The following ABCG4 variants were observed in gnomAD, a reference collection of about 807,000 sequenced individuals.
The protein encoded by ABCG4 is ATP-binding cassette sub-family G member 4.
In ABCG4, 35 loss-of-function variants were observed where a neutral mutation model predicts 64.6. That is an observed-to-expected ratio of 0.54 (90% CI 0.41 to 0.72). The LOEUF (loss-of-function observed/expected upper bound fraction) is 0.72. Ranked by LOEUF, ABCG4 falls within the 30% of genes least tolerant of loss-of-function variation. The probability of loss-of-function intolerance (pLI) is 0.00; values close to 1 mark genes in which losing one functional copy is unlikely to be tolerated. For missense variants in ABCG4, 610 were observed against 846.3 expected, an observed-to-expected ratio of 0.72 and a Z score of 3.46; for synonymous variants, 326 against 348.2, an observed-to-expected ratio of 0.94 and a Z score of 0.71.
chr11:119,151,099 T>C (rs1948188718), intron 2 of ABCG4, among the ~76,000 whole-genome samples: 2 of 152,244 alleles, frequency 1.3e-5, no homozygotes, highest in Admixed American at 1.3e-4. Flanking sequence ...GTCACATGGC[T>C]GAACCAATGG....
chr11:119,153,870 T>C, intron 2 of ABCG4, 156 bp from the exon 3 acceptor site: 1 of 676,208 alleles, frequency 1.5e-6, no homozygotes, highest in Non-Finnish European at 2.6e-6. Flanking sequence ...AGGGATGGGT[T>C]CCTGCCGGGG....
chr11:119,158,435 C>T lies in ABCG4; in HGVS notation c.1167+103C>T. ...GGAATGGGGACCCTCCCTCACAGCC[C>T]TGCAATGTGCCTGTGGGGTCTCTGT... is the stretch of plus-strand genomic sequence containing the variant. On this transcript the variant is annotated intron_variant, in intron 10 of 14. Transcript: ENST00000619701. The surrounding 1 kb of genome is among the most constrained non-coding windows in gnomAD (Gnocchi z 4.5). The T allele has an allele frequency of 2.6e-6, 4 of 1,551,256 alleles. No homozygotes were observed. In the South Asian group the frequency reaches 4.5e-5, roughly 17 times the overall value.
intron 2 of ABCG4, among the ~76,000 whole-genome samples, chr11:119,151,977 G>A (rs905515080): frequency 3.9e-5 from 6 of 152,290 alleles, no homozygotes; most frequent in East Asian, 1.9e-4. Context: ...CAGCTGAGAC[G>A]GTATCTGTGA....
In ABCG4 at chr11:119,161,494, G is replaced by C. The variant is rs906101801; in HGVS notation, c.*388G>C. On this transcript the variant is annotated 3_prime_UTR_variant, in exon 15 of 15. Transcript: ENST00000619701. ...AACTGACCAAAGTGGCCCCCTCTGGGGGTCCCCACCACACAAGTGTTTGTA... is the reference window on the plus strand; with the variant it reads ...AACTGACCAAAGTGGCCCCCTCTGGCGGTCCCCACCACACAAGTGTTTGTA... The C allele has an allele frequency of 5.7e-6, 1 of 176,990 alleles. No individual in the cohort carries two copies. The highest frequency in any genetic ancestry group is 1.2e-5 in the Non-Finnish European group (1 of 82,458). The allele number at this position is 176,990 out of a possible 1,614,324, so 11.0% of individuals were successfully genotyped here. A position where few individuals can be genotyped will look rare whatever the true frequency, so the allele number is the denominator to read the frequency against.
chr11:119,151,581 C>G (rs1948193861), intron 2 of ABCG4, among the ~76,000 whole-genome samples: 1 of 152,192 alleles, frequency 6.6e-6, no homozygotes, highest in Non-Finnish European at 1.5e-5. Flanking sequence ...ATCATCTCCC[C>G]TAATTATGTA....
At chr11:119,153,572 T>C in intron 2 of ABCG4, 1 of 168,534 alleles carries the variant, frequency 5.9e-6, no homozygotes, top group Non-Finnish European at 1.3e-5. Flanking sequence ...CTGGGAGAGC[T>C]GGTCAAGTGA....
chr11:119,150,565 T>C lies in ABCG4; in HGVS notation c.238+362T>C, dbSNP rs988429281. Among the ~76,000 whole-genome samples the C allele has an allele frequency of 3.9e-5, 6 of 152,160 alleles. No homozygotes were observed. The highest frequency in any genetic ancestry group is 2.1e-4 in the South Asian group (1 of 4,832). Reference sequence around the variant, plus strand: ...AAAGTAGGGGGCTGTGTCTGCAGGGTTGAGCAATACCCTTGGACCTAATTA... The same window carrying C: ...AAAGTAGGGGGCTGTGTCTGCAGGGCTGAGCAATACCCTTGGACCTAATTA... On this transcript the variant is annotated intron_variant, in intron 2 of 14. Transcript: ENST00000619701. The surrounding 1 kb of genome is among the most constrained non-coding windows in gnomAD (Gnocchi z 4.3).
Position 119,156,880 on chromosome 11 carries a change from G to A in ABCG4, c.934G>A (p.Val312Met). The change falls in exon 9 of 15, where the codon GTG becomes ATG. Residue 312 changes from valine (V) to methionine (M), a missense_variant. Coordinates refer to ENST00000619701, the MANE Select transcript of ABCG4 (RefSeq NM_022169.5). This position sits in a 1 kb window ranked among gnomAD's most constrained non-coding sequence, Gnocchi z 5.5. The stretch of plus-strand genomic sequence containing the variant: ...CCACTCTGTGTCCCCAGTCATCGAG[G>A]TGGCCTCTGGCGAGTATGGAGACCT... ...YHNPADFIIE[V>M]ASGEYGDLNP... is the part of the protein sequence containing the mutation. 6.2e-7 allele frequency: 1 copy of A among 1,609,732 alleles called. No homozygotes were observed. Among genetic ancestry groups the A allele is most frequent in the South Asian group, 1.1e-5 (1 of 90,592 alleles).
rs967929079 is a variant in ABCG4, at chr11:119,154,402, G to A, written c.489+10G>A. 1.2e-6 allele frequency: 2 copies of A among 1,614,106 alleles called. No individual in the cohort carries two copies. Among genetic ancestry groups the A allele is most frequent in the East Asian group, 2.2e-5 (1 of 44,882 alleles). ...GTTGGAAGCCATGATGGTGAGGGCT[G>A]GATAGTCACCCCTCCTCCCAGCAAC... On this transcript the variant is annotated intron_variant, in intron 4 of 14. Coordinates refer to ENST00000619701, the MANE Select transcript of ABCG4 (RefSeq NM_022169.5). The surrounding 1 kb of genome is among the most constrained non-coding windows in gnomAD (Gnocchi z 7.0).
intron 2 of ABCG4, chr11:119,153,141 A>G (rs1278982501): frequency 6.6e-6 from 1 of 152,432 alleles, no homozygotes; most frequent in Non-Finnish European, 1.5e-5. Context: ...TTTTACATAT[A>G]TTATCTCATT....
rs1256699481 is a variant in ABCG4 at position 119,154,639 on chromosome 11, G to A, written c.540+64G>A. The A allele has an allele frequency of 1.0e-5, 16 of 1,602,428 alleles. No homozygotes were observed. The highest frequency in any genetic ancestry group is 7.0e-5 in the Admixed American group (4 of 57,228). ...GTGGTGCTGCTGAGCTCAAGGCCCCGAGCTGGGAGTGGGAGAGTGGTGGCC... is the reference window on the plus strand; with the variant it reads ...GTGGTGCTGCTGAGCTCAAGGCCCCAAGCTGGGAGTGGGAGAGTGGTGGCC... On this transcript the variant is annotated intron_variant, in intron 5 of 14. Coordinates refer to ENST00000619701, the MANE Select transcript of ABCG4 (RefSeq NM_022169.5). The surrounding 1 kb of genome is among the most constrained non-coding windows in gnomAD (Gnocchi z 7.0).
In ABCG4 at chr11:119,160,977, C is replaced by G. The variant is rs575133154; in HGVS notation, c.1812C>G (p.Ser604Arg). ...GCTGCCCGTTCCGGGAGCCACAGAG[C>G]ATCCTCCGAGCGCTGGATGTGGAGG... ...EERCPFREPQ[S>R]ILRALDVEDA... The change falls in exon 15 of 15, where the codon AGC becomes AGG. Residue 604 changes from serine (S) to arginine (R), a missense_variant. Ser to Arg is a moderately radical substitution (Grantham distance 110). Coordinates refer to ENST00000619701, the MANE Select transcript of ABCG4 (RefSeq NM_022169.5). The surrounding 1 kb of genome is among the most constrained non-coding windows in gnomAD (Gnocchi z 4.6). 3 of 1,614,130 alleles carry G rather than the reference C, an allele frequency of 1.9e-6. No homozygotes were observed. In the African/African-American group the frequency reaches 4.0e-5, roughly 22 times the overall value.
intron 2 of ABCG4, chr11:119,152,992 CTG>C (rs1948212192): frequency 6.6e-6 from 1 of 152,078 alleles, no homozygotes; most frequent in South Asian, 2.1e-4. Flanking sequence ...AATATAAAAA[CTG>C]TGTCTTCCTC....
chr11:119,157,633 T>C (rs573893719), intron 9 of ABCG4, among the ~76,000 whole-genome samples: 1 of 147,990 alleles, frequency 6.8e-6, no homozygotes, highest in African/African-American at 2.5e-5. Context: ...CCCAGCACTT[T>C]GGGAGGCCGA....
In ABCG4 at chr11:119,156,847, T is replaced by A. The variant is rs755911885; in HGVS notation, c.926-25T>A. On this transcript the variant is annotated intron_variant, in intron 8 of 14. Transcript: ENST00000619701. This position sits in a 1 kb window ranked among gnomAD's most constrained non-coding sequence, Gnocchi z 5.5. Reference sequence around the variant, plus strand: ...TTGGGAAGTGAGTGTGAATCTAAACTGAGCTCTCCACTCTGTGTCCCCAGT... The same window carrying A: ...TTGGGAAGTGAGTGTGAATCTAAACAGAGCTCTCCACTCTGTGTCCCCAGT... 6.3e-7 allele frequency: 1 copy of A among 1,599,318 alleles called. No individual in the cohort carries two copies. Among genetic ancestry groups the A allele is most frequent in the East Asian group, 2.2e-5 (1 of 44,694 alleles).
In ABCG4 at chr11:119,154,762, G is replaced by A; in HGVS notation, c.541-8G>A. 1 of 1,605,696 alleles carries A rather than the reference G, an allele frequency of 6.2e-7. No individual in the cohort carries two copies. The highest frequency in any genetic ancestry group is 8.5e-7 in the Non-Finnish European group (1 of 1,173,566). On this transcript the variant is annotated splice_polypyrimidine_tract_variant and splice_region_variant and intron_variant, in intron 5 of 14. Coordinates refer to ENST00000619701, the MANE Select transcript of ABCG4 (RefSeq NM_022169.5). This position sits in a 1 kb window ranked among gnomAD's most constrained non-coding sequence, Gnocchi z 7.0. ...GAAGCTGACCTGGCATGGGTGGGGT[G>A]GGGCCAGGTGACAGAGATCCTGACG... is the stretch of plus-strand genomic sequence containing the variant.
chr11:119,158,387 G>A lies in ABCG4; in HGVS notation c.1167+55G>A, dbSNP rs762668467. 6.3e-7 allele frequency: 1 copy of A among 1,591,874 alleles called. No homozygotes were observed. The highest frequency in any genetic ancestry group is 1.1e-5 in the South Asian group (1 of 90,550). The stretch of plus-strand genomic sequence containing the variant: ...TGGCACAGGCCTGACCTTTTGGGCT[G>A]TAGGATCCCAGCAGCTGAAATGGGA... On this transcript the variant is annotated intron_variant, in intron 10 of 14. Transcript: ENST00000619701. The surrounding 1 kb of genome is among the most constrained non-coding windows in gnomAD (Gnocchi z 4.5).
Position 119,154,155 on chromosome 11 carries a change from A to T in ABCG4, c.356+12A>T. 1 of 1,613,968 alleles carries T rather than the reference A, an allele frequency of 6.2e-7. No homozygotes were observed. The highest frequency in any genetic ancestry group is 8.5e-7 in the Non-Finnish European group (1 of 1,179,876). ...TTGGCAGGATACAGGTAAGGAAGAG[A>T]CTGGGGTGGAATGGAGGCAGGACTC... On this transcript the variant is annotated intron_variant, in intron 3 of 14. Coordinates refer to ENST00000619701, the MANE Select transcript of ABCG4 (RefSeq NM_022169.5). This position sits in a 1 kb window ranked among gnomAD's most constrained non-coding sequence, Gnocchi z 7.0.
chr11:119,152,643 A>G (rs1948207884), intron 2 of ABCG4, among the ~76,000 whole-genome samples: 1 of 152,082 alleles, frequency 6.6e-6, no homozygotes, highest in Non-Finnish European at 1.5e-5. Context: ...CTCCACTTCC[A>G]TGTCTCACCA....
Sources: allele counts gnomAD v4.1 joint callset (sites outside exome capture counted in the v4.1 genomes callset), GRCh38; gene constraint gnomAD v4.1.1; non-coding constraint Gnocchi (gnomAD v3.1); transcripts MANE v1.5; gene names NCBI Gene and HGNC (gene_info 2026-07-23, HGNC 2026-07-21).